HYOU1: variants seen among roughly 807,000 people sequenced by gnomAD.
HYOU1 encodes the protein hypoxia up-regulated 1, also known as hypoxia up-regulated protein 1.
HYOU1 carries 40 observed loss-of-function variants against 120.5 expected under a neutral mutation model. The observed-to-expected ratio is 0.33, with a 90% CI of 0.26 to 0.43. The LOEUF is 0.43. HYOU1 is among the 20% of genes least tolerant of loss of function. HYOU1 has a pLI of 1.00. For synonymous variants in HYOU1, 501 were observed against 479.4 expected (o/e 1.05, Z -0.59); for missense variants, 1,085 against 1,278.3 (o/e 0.85, Z 2.31).
chr11:119,054,630 T>G lies in HYOU1; in HGVS notation c.542A>C (p.Asn181Thr), dbSNP rs2133606474. ...CAGCACAGCTCGGCGCTCGGCCTGG[T>G]TGAAGAAGACTGGCACGGTGATCAC... ...DAVITVPVFFNQAERRAVLQA... is the reference protein window; with the variant it reads ...DAVITVPVFFTQAERRAVLQA... Residue 181 changes from asparagine (N) to threonine (T), a missense_variant, in exon 7 of 26, where the codon AAC (asparagine) becomes ACC (threonine). Coordinates refer to ENST00000617285, the MANE Select transcript of HYOU1 (RefSeq NM_006389.5). 1.2e-6 allele frequency: 2 copies of G among 1,613,890 alleles called. No homozygotes were observed. The highest frequency in any genetic ancestry group is 8.5e-7 in the Non-Finnish European group (1 of 1,180,022).
chr11:119,052,683 T>G lies in HYOU1; in HGVS notation c.941A>C (p.Asn314Thr). 6.2e-7 allele frequency: 1 copy of G among 1,614,194 alleles called. No individual in the cohort carries two copies. The highest frequency in any genetic ancestry group is 8.5e-7 in the Non-Finnish European group (1 of 1,180,010). ...RAMAKLLREA[N>T]RLKTVLSANA... ...GGCACTGAGGACGGTTTTGAGCCGA[T>G]TAGCCTCACGCAGCAGCTTGGCCAT... Residue 314 changes from asparagine (N) to threonine (T), a missense_variant, in exon 9 of 26, where the codon AAT (asparagine) becomes ACT (threonine). Around this residue, in one of 4 missense-constraint regions of HYOU1, gnomAD observed 515 missense variants for 677.8 expected, o/e 0.76. Transcript: ENST00000617285. This position sits in a 1 kb window ranked among gnomAD's most constrained non-coding sequence, Gnocchi z 5.0.
At position 119,052,530 on chromosome 11, in the gene HYOU1, C is replaced by T. The variant is rs147093451; in HGVS notation, c.988-101G>A. On this transcript the variant is annotated intron_variant, in intron 9 of 25. Transcript: ENST00000617285. The surrounding 1 kb of genome is among the most constrained non-coding windows in gnomAD (Gnocchi z 5.0). ...GAATAGGTCTTTGGGAGGATGGTAG[C>T]GGGAGGAGCATGGGCCATGCCAGGC... The T allele has an allele frequency of 9.3e-4, 1,474 of 1,582,634 alleles. 14 individuals carry two copies. The East Asian group carries it at 0.018, about 20-fold the overall frequency.
In HYOU1 at chr11:119,049,212, C is replaced by T. The variant is rs1944263410; in HGVS notation, c.1807-9G>A. The stretch of plus-strand genomic sequence containing the variant: ...GGGCTCTCCTCTTCCTCCTGGGAAA[C>T]ACCACAGGCGCCCCAGGGAACGATC... On this transcript the variant is annotated splice_polypyrimidine_tract_variant and intron_variant, in intron 16 of 25. Coordinates refer to ENST00000617285, the MANE Select transcript of HYOU1 (RefSeq NM_006389.5). 3 of 1,589,492 alleles carry T rather than the reference C, an allele frequency of 1.9e-6. No homozygotes were observed. Among genetic ancestry groups the T allele is most frequent in the African/African-American group, 1.4e-5 (1 of 73,954 alleles).
At chr11:119,056,034 C>T (rs1156579526) in intron 2 of HYOU1, 36 bp downstream of exon 2, 1 of 1,565,976 alleles carries the variant, frequency 6.4e-7, no homozygotes, top group Non-Finnish European at 8.8e-7. Context: ...CTTCAGTCAT[C>T]ATTTATCCAT....
In HYOU1 at chr11:119,047,681, C is replaced by T. The variant is rs1249338877; in HGVS notation, c.2595+53G>A. 17 of 1,453,762 alleles carry T rather than the reference C, an allele frequency of 1.2e-5. No homozygotes were observed. The South Asian group carries it at 1.9e-4, about 17-fold the overall frequency. The allele number at this position is 1,453,762 out of a possible 1,614,324, so 90.1% of individuals were successfully genotyped here. Reference sequence around the variant, plus strand: ...TGGCTTCATCTCTCCACCTCTCCCACAGTACCTAGGATGGCAGCTAAGTAT... The same window carrying T: ...TGGCTTCATCTCTCCACCTCTCCCATAGTACCTAGGATGGCAGCTAAGTAT... On this transcript the variant is annotated intron_variant, in intron 22 of 25. Coordinates refer to ENST00000617285, the MANE Select transcript of HYOU1 (RefSeq NM_006389.5).
At chr11:119,047,095 G>A in intron 22 of HYOU1, 1 of 306,622 alleles carries the variant, frequency 3.3e-6, no homozygotes, top group South Asian at 5.5e-5. Context: ...TCGCTCTGTT[G>A]CCAGGCTGGA....
rs1199367215 is a variant in HYOU1, at chr11:119,056,081, A to C, written c.80T>G (p.Leu27Trp). 1 of 1,614,034 alleles carries C rather than the reference A, an allele frequency of 6.2e-7. No homozygotes were observed. Among genetic ancestry groups the C allele is most frequent in the Non-Finnish European group, 8.5e-7 (1 of 1,179,938 alleles). Residue 27 changes from leucine (L) to tryptophan (W), a missense_variant, in exon 2 of 26, where the codon TTG (leucine) becomes TGG (tryptophan). Physicochemically the swap from Leu to Trp is moderately conservative, Grantham distance 61. Coordinates refer to ENST00000617285, the MANE Select transcript of HYOU1 (RefSeq NM_006389.5). ...ACTGGGGTACATACCACTCAGTGCC[A>C]ACAGGTCTGCCAAGAGCACAGCCAC... The part of the protein sequence containing the change: ...ALVAVLLADL[L>W]ALSDTLAVMS...
rs1944261267 is a variant in HYOU1 at position 119,049,176 on chromosome 11, TC to T, written c.1833del (p.Ser612AlafsTer85). On this transcript the variant is annotated frameshift_variant, in exon 17 of 26. Coordinates refer to ENST00000617285, the MANE Select transcript of HYOU1 (RefSeq NM_006389.5). LOFTEE classifies it high-confidence loss of function. ...VQEEEESPAE[G>X]SKDEPGEQVE... ...ACCTGCTCCCCAGGCTCGTCCTTGC[TC>T]CCCTCTGCAGGGCTCTCCTCTTCCT... 1 of 1,608,326 alleles carries T rather than the reference TC, an allele frequency of 6.2e-7. No individual in the cohort carries two copies.
In HYOU1 at chr11:119,056,702, C is replaced by T. The variant is rs559780053; in HGVS notation, c.-8+318G>A. The T allele has an allele frequency of 1.6e-4, 43 of 271,160 alleles. 1 individual carries two copies. The highest frequency in any genetic ancestry group is 1.2e-3 in the South Asian group (35 of 28,326). The allele number at this position is 271,160 out of a possible 1,614,324, so 16.8% of individuals were successfully genotyped here. ...GGTTGTCCCGCCCCCTCCCCTTTCCCAGCTCACTCCCCGGCCCCGCTGTGC... is the reference window on the plus strand; with the variant it reads ...GGTTGTCCCGCCCCCTCCCCTTTCCTAGCTCACTCCCCGGCCCCGCTGTGC... On this transcript the variant is annotated intron_variant, in intron 1 of 25. Coordinates refer to ENST00000617285, the MANE Select transcript of HYOU1 (RefSeq NM_006389.5).
rs1351654768 is a variant in HYOU1 at position 119,050,719 on chromosome 11, CCAAAAAAAAAAAAAAAAAA to C, written c.1665+297_1665+315del. On this transcript the variant is annotated intron_variant, in intron 14 of 25. Coordinates refer to ENST00000617285, the MANE Select transcript of HYOU1 (RefSeq NM_006389.5). ...TTAAGTAACAGAGCCAAGACCCTCT[CCAAAAAAAAAAAAAAAAAA>C]AAAAAAAAAAAAAAAAAAAGAGTGG... Among the ~76,000 whole-genome samples, 65 of 52,872 alleles carry C rather than the reference CCAAAAAAAAAAAAAAAAAA, an allele frequency of 1.2e-3. 2 individuals carry two copies. In the East Asian group the frequency reaches 0.021, roughly 17 times the overall value. The allele number at this position is 52,872 out of a possible 152,430, so 34.7% of individuals were successfully genotyped here. A position where few individuals can be genotyped will look rare whatever the true frequency, so the allele number is the denominator to read the frequency against.
In HYOU1 at chr11:119,048,293, G is replaced by A. The variant is rs202152542; in HGVS notation, c.2331C>T (p.Ala777=). 8.7e-5 allele frequency: 140 copies of A among 1,611,336 alleles called. No individual in the cohort carries two copies. The East Asian group carries it at 2.8e-3, about 32-fold the overall frequency. ...CCTCATCCTCCAGCCAGGTGGATGC[G>A]GCGCTGAGCTTCCCAGAGATCTCCT... ...QREEISGKLS[A]ASTWLEDEGV... is the part of the protein sequence containing the mutation. The change falls in exon 20 of 26, where the codon GCC becomes GCT. Residue 777 remains alanine (A), a synonymous_variant. Coordinates refer to ENST00000617285, the MANE Select transcript of HYOU1 (RefSeq NM_006389.5). This position sits in a 1 kb window ranked among gnomAD's most constrained non-coding sequence, Gnocchi z 4.7.
rs145184130 is a variant in HYOU1 at position 119,055,177 on chromosome 11, G to A, written c.419+8C>T. 2.6e-5 allele frequency: 42 copies of A among 1,612,034 alleles called. No individual in the cohort carries two copies. In the East Asian group the frequency reaches 8.7e-4, roughly 33 times the overall value. ...TGCCGAGACCACCTTCCCCAACAGAGCACTCACGAGCTGATCTGAAAGTGC... is the reference window on the plus strand; with the variant it reads ...TGCCGAGACCACCTTCCCCAACAGAACACTCACGAGCTGATCTGAAAGTGC... On this transcript the variant is annotated splice_region_variant and intron_variant, in intron 5 of 25. Coordinates refer to ENST00000617285, the MANE Select transcript of HYOU1 (RefSeq NM_006389.5). This position sits in a 1 kb window ranked among gnomAD's most constrained non-coding sequence, Gnocchi z 4.0.
In HYOU1 at chr11:119,048,222, C is replaced by G. The variant is rs1944200408; in HGVS notation, c.2376+26G>C. 6.2e-7 allele frequency: 1 copy of G among 1,607,394 alleles called. No individual in the cohort carries two copies. Reference sequence around the variant, plus strand: ...AGAGGAAGGAGAGCTCCCACTCCACCTGCCATGTCCTGAGAGGCCCCTCAC... The same window carrying G: ...AGAGGAAGGAGAGCTCCCACTCCACGTGCCATGTCCTGAGAGGCCCCTCAC... On this transcript the variant is annotated intron_variant, in intron 20 of 25. Transcript: ENST00000617285. This position sits in a 1 kb window ranked among gnomAD's most constrained non-coding sequence, Gnocchi z 4.7.
rs1342458590 is a variant in HYOU1, at chr11:119,055,007, C to T, written c.473G>A (p.Arg158His). 5.6e-6 allele frequency: 9 copies of T among 1,614,036 alleles called. No individual in the cohort carries two copies. The highest frequency in any genetic ancestry group is 2.2e-5 in the East Asian group (1 of 44,886). ...ACCTGCAAAATCTTCAGCTAGAGAA[C>T]GAGAATAATTGAGAACCATGCCCAA... ...EVLGMVLNYS[R>H]SLAEDFAEQP... The change falls in exon 6 of 26, where the codon CGT becomes CAT. Residue 158 changes from arginine (R) to histidine (H), a missense_variant. Physicochemically the swap from Arg to His is conservative, Grantham distance 29. Coordinates refer to ENST00000617285, the MANE Select transcript of HYOU1 (RefSeq NM_006389.5). This position sits in a 1 kb window ranked among gnomAD's most constrained non-coding sequence, Gnocchi z 4.0.
rs2133589550 is a variant in HYOU1, at chr11:119,051,999, C to A, written c.1206-48G>T. ...CACGGTCTACCCTGGAGCATGCAAC[C>A]GGGACTTCCCTCCCCTCAGCCCTCC... is the stretch of plus-strand genomic sequence containing the variant. On this transcript the variant is annotated intron_variant, in intron 11 of 25. Coordinates refer to ENST00000617285, the MANE Select transcript of HYOU1 (RefSeq NM_006389.5). This position sits in a 1 kb window ranked among gnomAD's most constrained non-coding sequence, Gnocchi z 4.2. The A allele has an allele frequency of 2.2e-5, 36 of 1,613,086 alleles. No homozygotes were observed. The highest frequency in any genetic ancestry group is 3.0e-5 in the Non-Finnish European group (35 of 1,179,278).
In HYOU1 at chr11:119,052,253, C is replaced by T. The variant is rs2134696418; in HGVS notation, c.1122+42G>A. 1.2e-6 allele frequency: 2 copies of T among 1,614,060 alleles called. No individual in the cohort carries two copies. The highest frequency in any genetic ancestry group is 1.7e-6 in the Non-Finnish European group (2 of 1,179,944). On this transcript the variant is annotated intron_variant, in intron 10 of 25. Transcript: ENST00000617285. The surrounding 1 kb of genome is among the most constrained non-coding windows in gnomAD (Gnocchi z 5.0). Reference sequence around the variant, plus strand: ...CTTGACGTCCCATGGGTTTCCTATGCCCTTTCCTACGGGGCATTCCCGCCT... The same window carrying T: ...CTTGACGTCCCATGGGTTTCCTATGTCCTTTCCTACGGGGCATTCCCGCCT...
At chr11:119,047,589 G>T in intron 22 of HYOU1, 145 bp downstream of exon 22, 2 of 704,006 alleles carry the variant, frequency 2.8e-6, no homozygotes. Context: ...ACTAATCAGA[G>T]GTGGGCTCAA....
At position 119,046,600 on chromosome 11, in the gene HYOU1, C is replaced by G; in HGVS notation, c.2798G>C (p.Ser933Thr). The G allele has an allele frequency of 6.2e-7, 1 of 1,614,020 alleles. No homozygotes were observed. The highest frequency in any genetic ancestry group is 8.5e-7 in the Non-Finnish European group (1 of 1,179,894). The change falls in exon 23 of 26, where the codon AGT becomes ACT. Residue 933 changes from serine to threonine, a missense_variant. Physicochemically the swap from Ser to Thr is moderately conservative, Grantham distance 58 (BLOSUM62 1). Around this residue, in one of 4 missense-constraint regions of HYOU1, gnomAD observed 516 missense variants for 517.1 expected, o/e 1.00. Transcript: ENST00000617285. ...GACCTTCTCCCCCTGGTCACTGGCA[C>G]TGGCATTGAGGGGTGGCTCTGCCCG... The part of the protein sequence containing the change: ...GTRAEPPLNA[S>T]ASDQGEKVIP...
At position 119,055,227 on chromosome 11, in the gene HYOU1, G is replaced by A; in HGVS notation, c.377C>T (p.Thr126Ile). 2 of 1,614,204 alleles carry A rather than the reference G, an allele frequency of 1.2e-6. No individual in the cohort carries two copies. The highest frequency in any genetic ancestry group is 1.7e-5 in the Admixed American group (1 of 60,020). Residue 126 changes from threonine to isoleucine, a missense_variant, in exon 5 of 26, where the codon ACT becomes ATT. Thr to Ile is a moderately conservative substitution (Grantham distance 89, BLOSUM62 -1). Around this residue, in one of 4 missense-constraint regions of HYOU1, gnomAD observed 515 missense variants for 677.8 expected, o/e 0.76. Transcript: ENST00000617285. The surrounding 1 kb of genome is among the most constrained non-coding windows in gnomAD (Gnocchi z 4.0). ...YQARFPEHEL[T>I]FDPQRQTVHF... ...CACAGTCTGCCTCTGTGGGTCGAAA[G>A]TCAGCTCGTGCTCCGGGAAGCGGGC...
Sources: gnomAD v4.1 joint callset for allele counts (sites outside exome capture counted in the v4.1 genomes callset) on GRCh38, gnomAD v4.1.1 for gene constraint, gnomAD v4.1.1 regional missense constraint, Gnocchi (gnomAD v3.1) non-coding constraint, MANE v1.5 for transcripts, NCBI Gene and HGNC (gene_info 2026-07-23, HGNC 2026-07-21) for gene names.